BACH2: variants seen among roughly 807,000 people sequenced by gnomAD.
The protein encoded by BACH2 is BACH transcriptional regulator 2.
Under a neutral mutation model 61.8 loss-of-function variants are expected in BACH2, and 5 were observed. The ratio of observed to expected loss-of-function variants is 0.08; its 90% CI spans 0.04 to 0.17. The LOEUF is 0.17. Among genes scored for constraint, BACH2 ranks in the 10% least tolerant of loss-of-function variants. The probability of loss-of-function intolerance (pLI) is 1.00; values close to 1 mark genes in which losing one functional copy is unlikely to be tolerated. For missense variants in BACH2, 824 were observed against 1,091.1 expected (o/e 0.76, Z 3.45); for synonymous variants, 446 against 440.1 (o/e 1.01, Z -0.17).
intron 6 of BACH2, among the ~76,000 whole-genome samples, chr6:89,962,280 G>GT (rs1013082416): frequency 6.6e-6 from 1 of 152,046 alleles, no homozygotes; most frequent in Non-Finnish European, 1.5e-5. Flanking sequence ...CCTTTTCCAA[G>GT]TTTTTTCTCA....
intron 5 of BACH2, among the ~76,000 whole-genome samples, chr6:90,018,401 G>T (rs1026311855): frequency 6.6e-6 from 1 of 152,194 alleles, no homozygotes; most frequent in African/African-American, 2.4e-5. Flanking sequence ...CCATGGCCTA[G>T]AAACTCTCAA....
intron 1 of BACH2, among the ~76,000 whole-genome samples, chr6:90,281,821 CT>C (rs796205549): frequency 2.6e-5 from 4 of 152,128 alleles, no homozygotes; most frequent in African/African-American, 9.6e-5. Context: ...TTTAAACTTC[CT>C]AACAACACTA....
chr6:89,948,180 C>CA (rs1175362518), intron 7 of BACH2, among the ~76,000 whole-genome samples: 1 of 152,060 alleles, frequency 6.6e-6, no homozygotes, highest in Non-Finnish European at 1.5e-5. Context: ...GTCATAAAAA[C>CA]ACCACCCTCC....
intron 3 of BACH2, among the ~76,000 whole-genome samples, chr6:90,215,522 A>G (rs753727758): frequency 3.3e-5 from 5 of 152,050 alleles, no homozygotes; most frequent in African/African-American, 7.2e-5. Flanking sequence ...AAAATATTTA[A>G]CCAATATAAT....
chr6:90,127,741 C>G (rs1582397236), intron 4 of BACH2, among the ~76,000 whole-genome samples: 2 of 152,158 alleles, frequency 1.3e-5, no homozygotes, highest in East Asian at 3.8e-4. Context: ...TGTACAGACT[C>G]TTTGGCTCAG....
In BACH2 at chr6:89,938,267, G is replaced by A. The variant is rs1479196277; in HGVS notation, c.1920C>T (p.Thr640=). The change falls in exon 8 of 9, where the codon ACC becomes ACT. Residue 640 remains threonine, a synonymous_variant. Transcript: ENST00000257749. ...CATGAATAAACTCTAACTGTTCTGA[G>A]GTTAGCTTGTGCATTTTAATCATCA... ...FQMMIKMHKL[T]SEQLEFIHDV... is the part of the protein sequence containing the mutation. 1.9e-6 allele frequency: 3 copies of A among 1,614,066 alleles called. No individual in the cohort carries two copies. The highest frequency in any genetic ancestry group is 2.2e-5 in the East Asian group (1 of 44,896).
chr6:90,158,824 G>A (rs1785086031), intron 4 of BACH2, among the ~76,000 whole-genome samples: 1 of 151,794 alleles, frequency 6.6e-6, no homozygotes, highest in Non-Finnish European at 1.5e-5. Context: ...AAGGGAAAGT[G>A]CCACAAAGTC....
At chr6:89,943,672 T>C (rs748879960) in intron 7 of BACH2, among the ~76,000 whole-genome samples, 2 of 152,182 alleles carry the variant, frequency 1.3e-5, no homozygotes, top group African/African-American at 2.4e-5. Context: ...CTGGGTGAAG[T>C]TTACTGGAAA....
At chr6:90,182,061 G>C (rs1355629894) in intron 4 of BACH2, among the ~76,000 whole-genome samples, 1 of 152,082 alleles carries the variant, frequency 6.6e-6, no homozygotes, top group Non-Finnish European at 1.5e-5. Context: ...ATCGTCCTTT[G>C]AACCTCTCAC....
At chr6:90,175,224 G>A (rs1767948232) in intron 4 of BACH2, among the ~76,000 whole-genome samples, 2 of 152,030 alleles carry the variant, frequency 1.3e-5, no homozygotes, top group Non-Finnish European at 2.9e-5. Flanking sequence ...CAGGCATTTA[G>A]GAAGTTCTTT....
intron 4 of BACH2, chr6:90,104,471 T>TG (rs1782811155): frequency 1.3e-5 from 2 of 152,112 alleles, no homozygotes; most frequent in South Asian, 4.1e-4. Context: ...CATGAAAAAA[T>TG]GGGAGATGCT....
chr6:89,980,804 G>C (rs1268248817), intron 6 of BACH2, among the ~76,000 whole-genome samples: 1 of 151,750 alleles, frequency 6.6e-6, no homozygotes, highest in East Asian at 1.9e-4. Flanking sequence ...GTTTCTTTCT[G>C]TTTATCTTGT....
At chr6:90,173,820 T>A (rs1222030276) in intron 4 of BACH2, among the ~76,000 whole-genome samples, 1 of 152,164 alleles carries the variant, frequency 6.6e-6, no homozygotes. Context: ...AGTTTGATCA[T>A]ATGAAAATTA....
intron 3 of BACH2, among the ~76,000 whole-genome samples, chr6:90,222,043 A>G (rs947671495): frequency 2.0e-5 from 3 of 152,236 alleles, no homozygotes; most frequent in Non-Finnish European, 4.4e-5. Context: ...TATTATAGAA[A>G]AAAGTATTAT....
intron 8 of BACH2, among the ~76,000 whole-genome samples, chr6:89,935,453 G>T (rs1395907818): frequency 2.0e-5 from 3 of 152,106 alleles, no homozygotes; most frequent in Non-Finnish European, 4.4e-5. Flanking sequence ...AATGTTCCAG[G>T]CCACTTTCTA....
intron 4 of BACH2, among the ~76,000 whole-genome samples, chr6:90,103,751 T>G (rs769703939): frequency 1.6e-4 from 25 of 152,204 alleles, no homozygotes; most frequent in Non-Finnish European, 3.5e-4. Flanking sequence ...TAGAAACAGA[T>G]TTCATGCTTT....
At chr6:90,007,098 A>G (rs192464198) in intron 6 of BACH2, among the ~76,000 whole-genome samples, 21 of 151,918 alleles carry the variant, frequency 1.4e-4, no homozygotes, top group Admixed American at 7.2e-4. Flanking sequence ...TTTTTGAGAC[A>G]GGGTCTCGCC....
At chr6:89,963,364 G>A (rs1297989559) in intron 6 of BACH2, among the ~76,000 whole-genome samples, 1 of 152,174 alleles carries the variant, frequency 6.6e-6, no homozygotes, top group Non-Finnish European at 1.5e-5. Flanking sequence ...CATGATCATA[G>A]TTCACTGCAG....
intron 4 of BACH2, among the ~76,000 whole-genome samples, chr6:90,148,045 G>C (rs935699889): frequency 6.6e-6 from 1 of 152,196 alleles, no homozygotes; most frequent in African/African-American, 2.4e-5. Flanking sequence ...CAGAGGTACA[G>C]AGAGGCTCTT....
Sources: gnomAD v4.1 joint callset for allele counts (sites outside exome capture counted in the v4.1 genomes callset) on GRCh38, gnomAD v4.1.1 for gene constraint, MANE v1.5 for transcripts, NCBI Gene and HGNC (gene_info 2026-07-23, HGNC 2026-07-21) for gene names.